Variants in CDK5RAP2 observed in about 807,000 individuals in gnomAD.
CDK5RAP2 encodes CDK5 regulatory subunit associated protein 2, also known as CDK5 regulatory subunit-associated protein 2.
In CDK5RAP2, 147 loss-of-function variants were observed where a neutral mutation model predicts 232.9. That is an observed-to-expected ratio of 0.63 (90% CI 0.55 to 0.72). The LOEUF is 0.72. Among genes scored for constraint, CDK5RAP2 ranks in the 30% least tolerant of loss-of-function variants. The pLI is 0.00. For synonymous variants in CDK5RAP2, 833 were observed against 833.7 expected, an observed-to-expected ratio of 1.00 and a Z score of 0.01; for missense variants, 2,195 against 2,231.5, an observed-to-expected ratio of 0.98 and a Z score of 0.33.
chr9:120,563,257 T>C (rs192156688), intron 3 of CDK5RAP2, among the ~76,000 whole-genome samples: 19 of 152,188 alleles, frequency 1.2e-4, no homozygotes, highest in Middle Eastern at 3.4e-3. Context: ...ACAAGCTGGG[T>C]GTGGCTGAGG....
At chr9:120,446,348 T>C (rs1480800684) in intron 22 of CDK5RAP2, among the ~76,000 whole-genome samples, 1 of 152,138 alleles carries the variant, frequency 6.6e-6, no homozygotes, top group Non-Finnish European at 1.5e-5. Flanking sequence ...TGCTTCAGCC[T>C]ACTGAGGAGC....
chr9:120,449,061 C>T (rs2036351826), intron 21 of CDK5RAP2, among the ~76,000 whole-genome samples: 1 of 152,242 alleles, frequency 6.6e-6, no homozygotes, highest in Non-Finnish European at 1.5e-5. Flanking sequence ...CAAAGGTCAA[C>T]ATCCATACCA....
At chr9:120,518,140 C>G (rs1299757822) in intron 12 of CDK5RAP2, among the ~76,000 whole-genome samples, 1 of 143,150 alleles carries the variant, frequency 7.0e-6, no homozygotes, top group Non-Finnish European at 1.5e-5. Context: ...CGATACAAAA[C>G]TGTATTTTCA....
In CDK5RAP2 at chr9:120,448,056, G is replaced by C. The variant is rs1402696239; in HGVS notation, c.2864C>G (p.Pro955Arg). The change falls in exon 22 of 38, where the codon CCT (proline) becomes CGT (arginine). Residue 955 changes from proline (P) to arginine (R), a missense_variant. Coordinates refer to ENST00000349780, the MANE Select transcript of CDK5RAP2 (RefSeq NM_018249.6). ...SRSLGNMYRL[P>R]ATQEVVTQLQ... ...CTGCGTCACCACCTCCTGGGTGGCA[G>C]GGAGACGATACATATTTCCTAATGA... is the stretch of plus-strand genomic sequence containing the variant. 1.9e-6 allele frequency: 3 copies of C among 1,614,128 alleles called. No homozygotes were observed. Among genetic ancestry groups the C allele is most frequent in the Non-Finnish European group, 2.5e-6 (3 of 1,179,988 alleles).
At chr9:120,534,827 C>T (rs2041313412) in intron 7 of CDK5RAP2, among the ~76,000 whole-genome samples, 1 of 152,226 alleles carries the variant, frequency 6.6e-6, no homozygotes, top group South Asian at 2.1e-4. Flanking sequence ...TGCTCCAGAC[C>T]TGTAGCTCCC....
At chr9:120,515,450 C>A (rs1243064513) in intron 12 of CDK5RAP2, among the ~76,000 whole-genome samples, 1 of 152,214 alleles carries the variant, frequency 6.6e-6, no homozygotes, top group Non-Finnish European at 1.5e-5. Context: ...ATAACATTTT[C>A]ATCTCCCTTA....
At chr9:120,490,986 A>G (rs953087070) in intron 13 of CDK5RAP2, among the ~76,000 whole-genome samples, 2 of 152,234 alleles carry the variant, frequency 1.3e-5, no homozygotes, top group African/African-American at 4.8e-5. Context: ...CATGGTATAA[A>G]TAAGTAACAG....
At chr9:120,559,800 T>C (rs2042397331) in intron 3 of CDK5RAP2, among the ~76,000 whole-genome samples, 1 of 152,132 alleles carries the variant, frequency 6.6e-6, no homozygotes, top group African/African-American at 2.4e-5. Context: ...TACAGGGTGG[T>C]GCTTTCTGAA....
At chr9:120,571,944 T>C (rs779862204) in intron 2 of CDK5RAP2, 30 bp downstream of exon 2, 1 of 1,573,410 alleles carries the variant, frequency 6.4e-7, no homozygotes. Flanking sequence ...TGTTCTTTAC[T>C]CAAGAGAATG....
At chr9:120,536,869 T>C (rs1306055761) in intron 6 of CDK5RAP2, among the ~76,000 whole-genome samples, 1 of 151,910 alleles carries the variant, frequency 6.6e-6, no homozygotes. Context: ...AGAGTCACCA[T>C]AATTTCCATA....
intron 11 of CDK5RAP2, among the ~76,000 whole-genome samples, chr9:120,521,954 T>C (rs909665656): frequency 6.6e-6 from 1 of 152,170 alleles, no homozygotes; most frequent in African/African-American, 2.4e-5. Flanking sequence ...CTAAACCTTT[T>C]TCTTTGTAAA....
At chr9:120,485,427 TG>T (rs200913441) in intron 14 of CDK5RAP2, among the ~76,000 whole-genome samples, 3,099 of 152,068 alleles carry the variant, frequency 0.02, 42 homozygotes, top group Non-Finnish European at 0.034. Context: ...CCTAAGTAGC[TG>T]GGATTACAGG....
intron 12 of CDK5RAP2, among the ~76,000 whole-genome samples, chr9:120,507,946 T>TAC (rs2039909441): frequency 3.2e-5 from 1 of 31,624 alleles, no homozygotes; most frequent in African/African-American, 8.5e-5. Flanking sequence ...AAAAAAAATA[T>TAC]ATATATATAT....
chr9:120,446,503 T>C (rs189636875), intron 22 of CDK5RAP2, among the ~76,000 whole-genome samples: 1 of 152,280 alleles, frequency 6.6e-6, no homozygotes, highest in African/African-American at 2.4e-5. Flanking sequence ...TGGGATTACA[T>C]GTGTGAGACA....
intron 23 of CDK5RAP2, among the ~76,000 whole-genome samples, chr9:120,441,135 T>C (rs1424972326): frequency 2.0e-5 from 3 of 152,178 alleles, no homozygotes; most frequent in African/African-American, 7.2e-5. Context: ...TCTCATATGG[T>C]TGTAGTGCAG....
At chr9:120,404,466 A>C (rs1451921551) in intron 32 of CDK5RAP2, among the ~76,000 whole-genome samples, 1 of 152,238 alleles carries the variant, frequency 6.6e-6, no homozygotes, top group Non-Finnish European at 1.5e-5. Context: ...TTAAAACCTT[A>C]TGTTTTAAGA....
At position 120,402,798 on chromosome 9, in the gene CDK5RAP2, C is replaced by G. The variant is rs2033139663; in HGVS notation, c.5307+8G>C. The G allele has an allele frequency of 1.2e-6, 2 of 1,613,622 alleles. No individual in the cohort carries two copies. The highest frequency in any genetic ancestry group is 1.7e-5 in the Admixed American group (1 of 60,004). On this transcript the variant is annotated splice_region_variant and intron_variant, in intron 34 of 37. Transcript: ENST00000349780. ...AGCTTGTGCCCCCCAGCTCTGTGGTCAGGTTACCTTTGTTCCCAGCTCTTG... is the reference window on the plus strand; with the variant it reads ...AGCTTGTGCCCCCCAGCTCTGTGGTGAGGTTACCTTTGTTCCCAGCTCTTG...
At chr9:120,523,036 C>T (rs2040740973) in intron 11 of CDK5RAP2, among the ~76,000 whole-genome samples, 1 of 152,224 alleles carries the variant, frequency 6.6e-6, no homozygotes, top group Admixed American at 6.5e-5. Flanking sequence ...GTTTGTAAAT[C>T]TGCTACCTCC....
intron 12 of CDK5RAP2, among the ~76,000 whole-genome samples, chr9:120,492,088 A>G (rs1016235299): frequency 3.3e-5 from 5 of 152,040 alleles, no homozygotes; most frequent in African/African-American, 1.2e-4. Context: ...CCCATGTTAC[A>G]GAAAAAGGAA....
Sources: gnomAD v4.1 joint callset for allele counts (sites outside exome capture counted in the v4.1 genomes callset) on GRCh38, gnomAD v4.1.1 for gene constraint, MANE v1.5 for transcripts, NCBI Gene and HGNC (gene_info 2026-07-23, HGNC 2026-07-21) for gene names.